Variants in NAA38 observed in about 807,000 individuals in gnomAD.
The protein encoded by NAA38 is LSM domain containing 1.
A neutral mutation model predicts 12.6 loss-of-function variants in NAA38; 15 were observed. That is an observed-to-expected ratio of 1.19 (90% CI 0.79 to 1.83). The LOEUF is 1.83. NAA38 is among the 40% of genes most tolerant of loss of function. The pLI, the probability that NAA38 is intolerant of heterozygous loss-of-function variation, is 0.00. For missense variants in NAA38, 183 were observed against 171.7 expected (o/e 1.07, Z -0.37); for synonymous variants, 88 against 69.9 (o/e 1.26, Z -1.29).
At chr17:7,885,128 G>A (rs1389035901) in intron 1 of NAA38, 92 of 982,056 alleles carry the variant, frequency 9.4e-5, no homozygotes, top group East Asian at 1.2e-4. Flanking sequence ...AGTGGGAGCC[G>A]CGGGCGCGCG....
At chr17:7,872,774 T>C (rs1967108973) in intron 2 of NAA38, among the ~76,000 whole-genome samples, 1 of 152,246 alleles carries the variant, frequency 6.6e-6, no homozygotes, top group Non-Finnish European at 1.5e-5. Context: ...TTATGCATCA[T>C]TATTTATCAA....
intron 2 of NAA38, among the ~76,000 whole-genome samples, chr17:7,881,286 AAAG>A (rs918157095): frequency 2.6e-5 from 4 of 152,112 alleles, no homozygotes; most frequent in African/African-American, 9.7e-5. Context: ...AAAAGAAACA[AAAG>A]AAGAGAGAAA....
In NAA38 at chr17:7,857,170, G is replaced by T. The variant is rs770836926; in HGVS notation, c.110C>A (p.Ala37Glu). Reference sequence around the variant, plus strand: ...TAGCTGCTGTCGGGCGCGCTCAGCCGCCGAGTCCTCGCGCTCTCCGTCCGA... The same window carrying T: ...TAGCTGCTGTCGGGCGCGCTCAGCCTCCGAGTCCTCGCGCTCTCCGTCCGA... ...GDSDGEREDS[A>E]AERARQQLEA... Residue 37 changes from alanine (A) to glutamate (E), a missense_variant, in exon 2 of 3, where the codon GCG becomes GAG. By Grantham distance (107) the Ala-to-Glu change is moderately radical (BLOSUM62 -1). Coordinates refer to ENST00000575771, the MANE Select transcript of NAA38 (RefSeq NM_001320925.4). The T allele has an allele frequency of 6.2e-7, 1 of 1,613,110 alleles. No homozygotes were observed.
At chr17:7,871,474 A>G (rs1403329056) in intron 2 of NAA38, among the ~76,000 whole-genome samples, 1 of 151,948 alleles carries the variant, frequency 6.6e-6, no homozygotes, top group East Asian at 1.9e-4. Flanking sequence ...TCTTTTTCTT[A>G]TTGTTGATTT....
upstream of NAA38, chr17:7,862,386 C>T (rs781743836): frequency 6.6e-6 from 1 of 152,174 alleles, no homozygotes; most frequent in Non-Finnish European, 1.5e-5. Flanking sequence ...GCTATAGTCT[C>T]TATCCATAGG....
intron 1 of NAA38, chr17:7,884,849 ATGG>A: frequency 1.0e-6 from 1 of 994,386 alleles, no homozygotes; most frequent in East Asian, 3.8e-5. Flanking sequence ...GGAGGAGGAG[ATGG>A]TGGTGTCGGA....
rs372276667 is a variant in NAA38 at position 7,867,175 on chromosome 17, G to C, written c.-65-617C>G. ...AGGAACTGTAGCATGGTAAAGCTAA[G>C]AGGAAAGCGGGAGGCGGGGGAGGGA... is the stretch of plus-strand genomic sequence containing the variant. On this transcript the variant is annotated intron_variant, in intron 2 of 4. Transcript: ENST00000576861. Among the ~76,000 whole-genome samples, 6 of 152,238 alleles carry C rather than the reference G, an allele frequency of 3.9e-5. No homozygotes were observed. The East Asian group carries it at 1.2e-3, about 29-fold the overall frequency.
At chr17:7,863,119 A>G (rs1170075268) in intron 3 of NAA38, 2 of 152,194 alleles carry the variant, frequency 1.3e-5, no homozygotes, top group Non-Finnish European at 2.9e-5. Context: ...GGAGCTGACA[A>G]AGGGATAAAG....
chr17:7,859,295 C>T, upstream of NAA38: 4 of 1,070,694 alleles, frequency 3.7e-6, no homozygotes, highest in Non-Finnish European at 4.2e-6. Flanking sequence ...AAGCTGCTAT[C>T]TGCCAAGGGA....
chr17:7,877,544 T>C (rs962844844), intron 2 of NAA38, among the ~76,000 whole-genome samples: 1 of 152,144 alleles, frequency 6.6e-6, no homozygotes, highest in African/African-American at 2.4e-5. Flanking sequence ...TTAACTGCTG[T>C]GTAGTTTGTT....
In NAA38 at chr17:7,856,819, C is replaced by A; in HGVS notation, c.290G>T (p.Arg97Leu). 6.2e-7 allele frequency: 1 copy of A among 1,613,852 alleles called. No individual in the cohort carries two copies. The highest frequency in any genetic ancestry group is 8.5e-7 in the Non-Finnish European group (1 of 1,180,000). The stretch of plus-strand genomic sequence containing the variant: ...GGGTACCATGGCCAGGCCCAGCACA[C>A]GGGGCTCCCCGGCAGAGAAGGAATC... ...PSDSFSAGEP[R>L]VLGLAMVPGH... The change falls in exon 3 of 3, where the codon CGT (arginine) becomes CTT (leucine). Residue 97 changes from arginine (R) to leucine (L), a missense_variant. By Grantham distance (102) the Arg-to-Leu change is moderately radical. Transcript: ENST00000575771.
intron 2 of NAA38, among the ~76,000 whole-genome samples, chr17:7,872,789 C>T (rs960072560): frequency 6.6e-6 from 1 of 152,146 alleles, no homozygotes; most frequent in Non-Finnish European, 1.5e-5. Context: ...TATCAATAAT[C>T]CTTTGCCCCA....
At chr17:7,858,335 G>T (rs2078850528), upstream of NAA38, 3 of 1,613,906 alleles carry the variant, frequency 1.9e-6, no homozygotes, top group Admixed American at 3.3e-5. Context: ...GTGTGTGTGT[G>T]TGCACGCGCG....
At chr17:7,858,035 C>T (rs374430546), upstream of NAA38, 4 of 1,549,722 alleles carry the variant, frequency 2.6e-6, no homozygotes, top group East Asian at 2.3e-5. Context: ...AAACGCTCTC[C>T]CCTCGGCTCC....
chr17:7,884,827 C>CGAG (rs781353736), intron 1 of NAA38: 43 of 803,768 alleles, frequency 5.3e-5, no homozygotes, highest in Non-Finnish European at 6.4e-5. Context: ...CTCTGAGGGA[C>CGAG]GAGGAGGAGG....
intron 2 of NAA38, among the ~76,000 whole-genome samples, chr17:7,875,987 C>T (rs372128037): frequency 3.9e-5 from 6 of 152,152 alleles, no homozygotes; most frequent in East Asian, 1.9e-4. Context: ...TTCCTTTTTA[C>T]GGCTGAATAA....
At chr17:7,884,872 AGAGGAGGAAGAAGAGGGCGACGAG>A in intron 1 of NAA38, 1 of 1,227,984 alleles carries the variant, frequency 8.1e-7, no homozygotes, top group Non-Finnish European at 1.1e-6. Context: ...AGGAGGAAGA[AGAGGAGGAAGAAGAGGGCGACGAG>A]GAGGAGGAGG....
At chr17:7,882,249 G>A (rs1459739183) in intron 2 of NAA38, among the ~76,000 whole-genome samples, 2 of 152,168 alleles carry the variant, frequency 1.3e-5, no homozygotes, top group African/African-American at 4.8e-5. Flanking sequence ...CACAGAGGCA[G>A]AGAGGCTGCG....
At chr17:7,874,406 C>T (rs140705587) in intron 2 of NAA38, among the ~76,000 whole-genome samples, 2 of 152,132 alleles carry the variant, frequency 1.3e-5, no homozygotes, top group African/African-American at 2.4e-5. Flanking sequence ...TCATGTGGAT[C>T]CTAAGGTCAC....
Sources: gnomAD v4.1 joint callset for allele counts (sites outside exome capture counted in the v4.1 genomes callset) on GRCh38, gnomAD v4.1.1 for gene constraint, MANE v1.5 for transcripts, NCBI Gene and HGNC (gene_info 2026-07-23, HGNC 2026-07-21) for gene names.